ABCC5: variants seen among roughly 807,000 people sequenced by gnomAD.
ABCC5 encodes ATP binding cassette subfamily C member 5, also known as ATP-binding cassette sub-family C member 5.
In ABCC5, 61 loss-of-function variants were observed where a neutral mutation model predicts 160.9. That is an observed-to-expected ratio of 0.38 (90% CI 0.31 to 0.47). ABCC5 has a LOEUF of 0.47. ABCC5 is among the 20% of genes least tolerant of loss of function. The probability of loss-of-function intolerance (pLI) is 0.99; values close to 1 mark genes in which losing one functional copy is unlikely to be tolerated. For missense variants in ABCC5, 1,308 were observed against 1,813.3 expected (o/e 0.72, Z 5.06); for synonymous variants, 666 against 700.6 (o/e 0.95, Z 0.78).
At chr3:183,966,683 C>T (rs1265505520) in intron 12 of ABCC5, among the ~76,000 whole-genome samples, 2 of 152,004 alleles carry the variant, frequency 1.3e-5, no homozygotes, top group Non-Finnish European at 2.9e-5. Flanking sequence ...GTGCTTTTTA[C>T]AAGACCAATG....
rs1418078440 is a variant in ABCC5 at position 183,953,186 on chromosome 3, G to A, written c.2567C>T (p.Pro856Leu). 1.9e-6 allele frequency: 3 copies of A among 1,614,114 alleles called. No homozygotes were observed. The highest frequency in any genetic ancestry group is 1.3e-5 in the African/African-American group (1 of 75,002). The change falls in exon 18 of 30, where the codon CCC becomes CTC. Residue 856 changes from proline (P) to leucine (L), a missense_variant. By Grantham distance (98) the Pro-to-Leu change is moderately conservative. This residue lies in a region of ABCC5 where 1,142 missense variants were observed against 1,527.1 expected (regional missense o/e 0.75). Transcript: ENST00000334444. Reference protein sequence around the residue: ...YGVYIQAAGGPLAFLVIMALF... With the variant: ...YGVYIQAAGGLLAFLVIMALF... Reference sequence around the variant, plus strand: ...GGCCATAATAACCAGGAATGCCAAGGGGCCCCCAGCAGCCTGGATGTAGAC... The same window carrying A: ...GGCCATAATAACCAGGAATGCCAAGAGGCCCCCAGCAGCCTGGATGTAGAC...
Position 183,978,588 on chromosome 3 carries a change from C to T in ABCC5, c.1211G>A (p.Gly404Asp). 2.5e-6 allele frequency: 4 copies of T among 1,614,128 alleles called. No homozygotes were observed. Among genetic ancestry groups the T allele is most frequent in the Non-Finnish European group, 2.5e-6 (3 of 1,180,018 alleles). Reference protein sequence around the residue: ...KAGYFQSITVGVAPIVVVIAS... With the variant: ...KAGYFQSITVDVAPIVVVIAS... ...AATCACCACCACAATGGGAGCCACA[C>T]CCACAGTGATGCTCTGGAAGTACCC... The change falls in exon 9 of 30, where the codon GGT (glycine) becomes GAT (aspartate). Residue 404 changes from glycine to aspartate, a missense_variant. Around this residue, in one of 3 missense-constraint regions of ABCC5, gnomAD observed 1,142 missense variants for 1,527.1 expected, o/e 0.75. Coordinates refer to ENST00000334444, the MANE Select transcript of ABCC5 (RefSeq NM_005688.4).
intron 3 of ABCC5, 40 bp downstream of exon 3, chr3:183,989,186 C>CAT: frequency 1.6e-6 from 2 of 1,271,142 alleles, no homozygotes; most frequent in Non-Finnish European, 2.2e-6. Flanking sequence ...AAAAAAAGGC[C>CAT]TTTGATGCTT....
At chr3:183,945,527 T>C (rs537326679) in intron 24 of ABCC5, among the ~76,000 whole-genome samples, 10 of 152,220 alleles carry the variant, frequency 6.6e-5, no homozygotes, top group Admixed American at 5.2e-4. Context: ...CAATTGGACA[T>C]AGTAAGAATT....
rs1717111440 is a variant in ABCC5, at chr3:183,965,276, C to A, written c.1959-19G>T. On this transcript the variant is annotated intron_variant, in intron 13 of 29. Transcript: ENST00000334444. Reference sequence around the variant, plus strand: ...GTTGTATCTGGAGGACACAAAGAGACAGCGTCAGGGACACGGCGGGAGCAG... The same window carrying A: ...GTTGTATCTGGAGGACACAAAGAGAAAGCGTCAGGGACACGGCGGGAGCAG... 6.2e-7 allele frequency: 1 copy of A among 1,614,104 alleles called. No individual in the cohort carries two copies. Among genetic ancestry groups the A allele is most frequent in the South Asian group, 1.1e-5 (1 of 91,086 alleles).
intron 25 of ABCC5, among the ~76,000 whole-genome samples, chr3:183,940,462 G>GAAAAA (rs537025178): frequency 0.058 from 3,726 of 64,554 alleles, 563 homozygotes; most frequent in East Asian, 0.091. Context: ...TCTGTCTCAG[G>GAAAAA]AAAAAAAAAA....
chr3:183,965,574 T>C, intron 12 of ABCC5, 73 bp from the exon 13 acceptor site: 1 of 1,582,932 alleles, frequency 6.3e-7, no homozygotes, highest in Non-Finnish European at 8.6e-7. Context: ...ACCCCCACCT[T>C]CCACAATGGA....
chr3:183,926,677 G>A (rs1712599580), intron 28 of ABCC5, among the ~76,000 whole-genome samples: 1 of 152,098 alleles, frequency 6.6e-6, no homozygotes, highest in African/African-American at 2.4e-5. Flanking sequence ...GTAACATACT[G>A]GACAAAAGGA....
In ABCC5 at chr3:183,978,519, T is replaced by C. The variant is rs1047686479; in HGVS notation, c.1280A>G (p.Asp427Gly). The C allele has an allele frequency of 1.2e-6, 2 of 1,613,812 alleles. No homozygotes were observed. The highest frequency in any genetic ancestry group is 2.7e-5 in the African/African-American group (2 of 74,884). The change falls in exon 9 of 30, where the codon GAT becomes GGT. Residue 427 changes from aspartate to glycine, a missense_variant. Asp to Gly is a moderately conservative substitution (Grantham distance 94). Coordinates refer to ENST00000334444, the MANE Select transcript of ABCC5 (RefSeq NM_005688.4). ...TTCCCTGACCTGTGCTGCTGTCAGA[T>C]CGAAGCCCAGGGTCATATGAACAGA... ...TFSVHMTLGF[D>G]LTAAQAFTVV... is the part of the protein sequence containing the mutation.
At chr3:183,971,497 C>T (rs1717739523) in intron 11 of ABCC5, 66 bp downstream of exon 11, 1 of 1,454,210 alleles carries the variant, frequency 6.9e-7, no homozygotes, top group Non-Finnish European at 9.4e-7. Flanking sequence ...CAGCAGCCGC[C>T]TATTGGTGGC....
chr3:183,982,459 G>A lies in ABCC5; in HGVS notation c.991C>T (p.Pro331Ser). 1 of 1,613,654 alleles carries A rather than the reference G, an allele frequency of 6.2e-7. No homozygotes were observed. Residue 331 changes from proline (P) to serine (S), a missense_variant, in exon 7 of 30, where the codon CCA becomes TCA. Physicochemically the swap from Pro to Ser is moderately conservative, Grantham distance 74. Transcript: ENST00000334444. This position sits in a 1 kb window ranked among gnomAD's most constrained non-coding sequence, Gnocchi z 5.2. Reference protein sequence around the residue: ...LGSAVFILFYPAMMFASRLTA... With the variant: ...LGSAVFILFYSAMMFASRLTA... Reference sequence around the variant, plus strand: ...CTGGGAGGCTTACTCACCATTGCTGGGTAAAAGAGGATAAAAACAGCTGAT... The same window carrying A: ...CTGGGAGGCTTACTCACCATTGCTGAGTAAAAGAGGATAAAAACAGCTGAT...
chr3:183,969,630 T>C (rs1717551562), intron 11 of ABCC5, among the ~76,000 whole-genome samples: 1 of 148,832 alleles, frequency 6.7e-6, no homozygotes, highest in African/African-American at 2.5e-5. Context: ...AGGCAGAGGT[T>C]GCAGTGAGCC....
chr3:184,000,106 C>G (rs1720625049), intron 2 of ABCC5, among the ~76,000 whole-genome samples: 1 of 151,922 alleles, frequency 6.6e-6, no homozygotes, highest in Non-Finnish European at 1.5e-5. Flanking sequence ...CACCTACAAT[C>G]CCAGCACTCT....
chr3:183,981,857 G>A lies in ABCC5; in HGVS notation c.1017C>T (p.Leu339=). 2 of 1,600,336 alleles carry A rather than the reference G, an allele frequency of 1.2e-6. No homozygotes were observed. The highest frequency in any genetic ancestry group is 2.2e-5 in the East Asian group (1 of 44,636). Residue 339 remains leucine, a synonymous_variant, in exon 8 of 30, where the codon CTC becomes CTT. Coordinates refer to ENST00000334444, the MANE Select transcript of ABCC5 (RefSeq NM_005688.4). ...FYPAMMFASR[L]TAYFRRKCVA... ...CGCATTTTCTCCTGAAATATGCTGT[G>A]AGCCGTGATGCAAACATCTGAAAGG...
chr3:183,944,353 C>A (rs1303827573), intron 24 of ABCC5, among the ~76,000 whole-genome samples: 2 of 151,728 alleles, frequency 1.3e-5, no homozygotes, highest in East Asian at 3.9e-4. Flanking sequence ...CGTATTCATG[C>A]CACTGCACTC....
intron 2 of ABCC5, 98 bp from the exon 3 acceptor site, chr3:183,989,481 A>G (rs1048659261): frequency 7.8e-7 from 1 of 1,280,038 alleles, no homozygotes; most frequent in African/African-American, 1.5e-5. Context: ...AACTGGACTC[A>G]TCTTAACTGA....
At chr3:183,944,716 T>C (rs746417791) in intron 24 of ABCC5, among the ~76,000 whole-genome samples, 1 of 152,202 alleles carries the variant, frequency 6.6e-6, no homozygotes, top group Non-Finnish European at 1.5e-5. Flanking sequence ...TCTTAACATA[T>C]TATGAGACTT....
At chr3:183,922,260 T>A (rs1460452485) in intron 29 of ABCC5, among the ~76,000 whole-genome samples, 1 of 148,752 alleles carries the variant, frequency 6.7e-6, no homozygotes, top group Non-Finnish European at 1.5e-5. Context: ...TAATCCCAGC[T>A]ACTGGGGAGT....
chr3:184,017,670 G>A lies in ABCC5; in HGVS notation c.-56+160C>T, dbSNP rs1722306096. Reference sequence around the variant, plus strand: ...TCACAGGCCTAGGAGGCGGCGGCAGGAGACCAGGGGGAGGCCATACGCCGT... The same window carrying A: ...TCACAGGCCTAGGAGGCGGCGGCAGAAGACCAGGGGGAGGCCATACGCCGT... On this transcript the variant is annotated intron_variant, in intron 1 of 29. Coordinates refer to ENST00000334444, the MANE Select transcript of ABCC5 (RefSeq NM_005688.4). This position sits in a 1 kb window ranked among gnomAD's most constrained non-coding sequence, Gnocchi z 4.5. 1.3e-5 allele frequency among the ~76,000 whole-genome samples: 2 copies of A among 152,212 alleles called. No homozygotes were observed. Among genetic ancestry groups the A allele is most frequent in the South Asian group, 4.1e-4 (2 of 4,838 alleles).
Sources: allele counts gnomAD v4.1 joint callset (sites outside exome capture counted in the v4.1 genomes callset), GRCh38; gene constraint gnomAD v4.1.1; regional missense constraint gnomAD v4.1.1; non-coding constraint Gnocchi (gnomAD v3.1); transcripts MANE v1.5; gene names NCBI Gene and HGNC (gene_info 2026-07-23, HGNC 2026-07-21).